TBC1D5: variants seen among roughly 807,000 people sequenced by gnomAD.
The protein encoded by TBC1D5 is TBC1 domain family member 5.
Under a neutral mutation model 100.3 loss-of-function variants are expected in TBC1D5, and 75 were observed. That is an observed-to-expected ratio of 0.75 (90% CI 0.62 to 0.91). The LOEUF (loss-of-function observed/expected upper bound fraction) is 0.91, where lower values mean the gene tolerates loss of function less well. TBC1D5 is among the 40% of genes least tolerant of loss of function. The probability of loss-of-function intolerance (pLI) is 0.00; values close to 1 mark genes in which losing one functional copy is unlikely to be tolerated. For synonymous variants in TBC1D5, 323 were observed against 325.6 expected (o/e 0.99, Z 0.09); for missense variants, 910 against 942.4 (o/e 0.97, Z 0.45).
At chr3:17,303,530 C>T (rs567280693) in intron 14 of TBC1D5, among the ~76,000 whole-genome samples, 1 of 152,152 alleles carries the variant, frequency 6.6e-6, no homozygotes, top group African/African-American at 2.4e-5. Context: ...TAAAGTAAAA[C>T]CCCAGTTTCC....
intron 19 of TBC1D5, among the ~76,000 whole-genome samples, chr3:17,184,393 G>T (rs1008705713): frequency 4.6e-5 from 7 of 152,118 alleles, no homozygotes; most frequent in Non-Finnish European, 7.4e-5. Context: ...CTGACAGGTT[G>T]GCACAGCAAT....
chr3:17,468,988 T>C (rs548808128), intron 3 of TBC1D5, among the ~76,000 whole-genome samples: 207 of 152,302 alleles, frequency 1.4e-3, no homozygotes, highest in African/African-American at 4.7e-3. Context: ...ACTTTGAACC[T>C]GGAGAAGGGA....
At chr3:17,167,868 A>G (rs2066798393) in intron 19 of TBC1D5, 40 bp from the exon 21 acceptor site, 2 of 1,418,436 alleles carry the variant, frequency 1.4e-6, no homozygotes, top group Non-Finnish European at 1.9e-6. Flanking sequence ...CAATGCTCTG[A>G]GCATAACCTA....
At chr3:17,160,178 T>C (rs1472841787) in exon 22 of TBC1D5, 4 of 152,248 alleles carry the variant, frequency 2.6e-5, no homozygotes, top group Non-Finnish European at 2.9e-5. Context: ...TTTCTGGCTA[T>C]GAAAGATTCT....
At chr3:17,259,957 T>C (rs2078118783) in intron 15 of TBC1D5, among the ~76,000 whole-genome samples, 3 of 152,158 alleles carry the variant, frequency 2.0e-5, no homozygotes, top group Admixed American at 2.0e-4. Context: ...TCTACAATAA[T>C]CAAATCTGAA....
chr3:17,642,885 C>CA (rs2064659220), intron 1 of TBC1D5, among the ~76,000 whole-genome samples: 1 of 152,052 alleles, frequency 6.6e-6, no homozygotes, highest in African/African-American at 2.4e-5. Context: ...AAAGGTTGCC[C>CA]AAATAGCACC....
At chr3:17,369,297 T>C (rs906360225) in intron 13 of TBC1D5, among the ~76,000 whole-genome samples, 4 of 152,150 alleles carry the variant, frequency 2.6e-5, no homozygotes, top group Non-Finnish European at 5.9e-5. Context: ...CATATTCACA[T>C]AGCCATGACA....
intron 8 of TBC1D5, among the ~76,000 whole-genome samples, chr3:17,401,109 C>T (rs1287724726): frequency 6.6e-6 from 1 of 152,162 alleles, no homozygotes; most frequent in South Asian, 2.1e-4. Context: ...CATTTCCCTA[C>T]TATTCTATCA....
At chr3:17,675,360 G>A (rs546299085) in intron 1 of TBC1D5, among the ~76,000 whole-genome samples, 9 of 152,196 alleles carry the variant, frequency 5.9e-5, no homozygotes, top group Admixed American at 2.6e-4. Context: ...TGAACTAGTA[G>A]AAACTCCATT....
intron 2 of TBC1D5, among the ~76,000 whole-genome samples, chr3:17,526,438 T>C (rs2096136759): frequency 6.6e-6 from 1 of 152,154 alleles, no homozygotes; most frequent in South Asian, 2.1e-4. Flanking sequence ...CAGGCTGATC[T>C]CAAACTCCTG....
chr3:17,253,298 A>G (rs1030242242), intron 16 of TBC1D5, among the ~76,000 whole-genome samples: 36 of 152,212 alleles, frequency 2.4e-4, no homozygotes, highest in African/African-American at 8.7e-4. Context: ...TCAGAATTTC[A>G]AAGGACACTG....
At chr3:17,357,022 C>A (rs187974622) in intron 13 of TBC1D5, among the ~76,000 whole-genome samples, 4 of 152,014 alleles carry the variant, frequency 2.6e-5, no homozygotes, top group Admixed American at 2.0e-4. Context: ...ACACTATATA[C>A]ATTCCTAATA....
rs144039300 is a variant in TBC1D5 at position 17,284,338 on chromosome 3, G to A, written c.1245+7557C>T. ...TTGCCACGTTGGCCAGGCTTGTCTC[G>A]AACTCCTGACTTCGAGTGATCCGCC... On this transcript the variant is annotated intron_variant, in intron 15 of 21. Transcript: ENST00000253692. Among the ~76,000 whole-genome samples, 1,394 of 152,102 alleles carry A rather than the reference G, an allele frequency of 9.2e-3. 17 individuals carry two copies. The highest frequency in any genetic ancestry group is 0.032 in the African/African-American group (1,322 of 41,488).
rs138847854 is a variant in TBC1D5, at chr3:17,355,428, G to C, written c.995+16647C>G. Reference sequence around the variant, plus strand: ...AGAAAATTCATTCAAGTATGTCACTGGGTGAATTAGTATCTTGTAGGAAAG... The same window carrying C: ...AGAAAATTCATTCAAGTATGTCACTCGGTGAATTAGTATCTTGTAGGAAAG... On this transcript the variant is annotated intron_variant, in intron 13 of 21. Transcript: ENST00000253692. 3.5e-3 allele frequency among the ~76,000 whole-genome samples: 527 copies of C among 152,214 alleles called. 4 individuals are homozygous for C. Among genetic ancestry groups the C allele is most frequent in the African/African-American group, 0.012 (499 of 41,552 alleles).
At chr3:17,238,630 C>T (rs1183769253) in intron 16 of TBC1D5, among the ~76,000 whole-genome samples, 1 of 152,164 alleles carries the variant, frequency 6.6e-6, no homozygotes, top group African/African-American at 2.4e-5. Context: ...GTCTTATTTA[C>T]ATTTCATTCA....
chr3:17,305,177 A>G (rs1282503781), intron 14 of TBC1D5, among the ~76,000 whole-genome samples: 1 of 152,030 alleles, frequency 6.6e-6, no homozygotes, highest in African/African-American at 2.4e-5. Context: ...TTGTGTTACT[A>G]TTCCTGGGCA....
At chr3:17,361,365 CA>C (rs1379359257) in intron 13 of TBC1D5, among the ~76,000 whole-genome samples, 1 of 151,806 alleles carries the variant, frequency 6.6e-6, no homozygotes, top group Admixed American at 6.6e-5. Flanking sequence ...GGAGACAGAA[CA>C]AGCAGACAGA....
chr3:17,564,524 G>A (rs940932069), intron 2 of TBC1D5, among the ~76,000 whole-genome samples: 7 of 152,138 alleles, frequency 4.6e-5, no homozygotes, highest in African/African-American at 1.2e-4. Flanking sequence ...GACAATGAAT[G>A]TACAAGCTAA....
chr3:17,533,697 G>A (rs1223977272), intron 2 of TBC1D5, among the ~76,000 whole-genome samples: 1 of 152,184 alleles, frequency 6.6e-6, no homozygotes, highest in Non-Finnish European at 1.5e-5. Flanking sequence ...AGCTACGAAT[G>A]TGAATTACAA....
Sources: allele counts gnomAD v4.1 joint callset (sites outside exome capture counted in the v4.1 genomes callset), GRCh38; gene constraint gnomAD v4.1.1; transcripts MANE v1.5; gene names NCBI Gene and HGNC (gene_info 2026-07-23, HGNC 2026-07-21).